Variants in ABCC5 observed in about 807,000 individuals in gnomAD.
ABCC5 encodes the protein ATP binding cassette subfamily C member 5.
In ABCC5, 61 loss-of-function variants were observed where a neutral mutation model predicts 160.9. The ratio of observed to expected loss-of-function variants is 0.38; its 90% CI spans 0.31 to 0.47. The LOEUF (loss-of-function observed/expected upper bound fraction) is 0.47. Among genes scored for constraint, ABCC5 ranks in the 20% least tolerant of loss-of-function variants. ABCC5 has a pLI of 0.99. For missense variants in ABCC5, 1,308 were observed against 1,813.3 expected, an observed-to-expected ratio of 0.72 and a Z score of 5.06; for synonymous variants, 666 against 700.6, an observed-to-expected ratio of 0.95 and a Z score of 0.78.
chr3:183,938,161 A>G, intron 25 of ABCC5, 101 bp from the exon 26 acceptor site: 1 of 1,207,196 alleles, frequency 8.3e-7, no homozygotes, highest in Non-Finnish European at 1.2e-6. Context: ...TTCCATTTCT[A>G]TTCAGTTGTT....
intron 2 of ABCC5, among the ~76,000 whole-genome samples, chr3:184,009,392 C>T (rs1201386664): frequency 1.3e-5 from 2 of 152,150 alleles, no homozygotes. Context: ...GATGATGTGA[C>T]ATGAAATTGC....
Position 183,943,287 on chromosome 3 carries a change from T to C in ABCC5, c.3505-371A>G, listed in dbSNP as rs188591107. ...CAGTTTTTACTGAAATTCTTTGAGA[T>C]AGGATTCTACCATTTGATAATCATT... is the stretch of plus-strand genomic sequence containing the variant. On this transcript the variant is annotated intron_variant, in intron 24 of 29. Coordinates refer to ENST00000334444, the MANE Select transcript of ABCC5 (RefSeq NM_005688.4). Among the ~76,000 whole-genome samples the C allele has an allele frequency of 1.7e-3, 255 of 152,328 alleles. 2 individuals carry two copies. The highest frequency in any genetic ancestry group is 5.5e-3 in the African/African-American group (227 of 41,572).
chr3:183,984,532 A>AAATTAATAC (rs1353207430), intron 5 of ABCC5: 1 of 1,142,652 alleles, frequency 8.8e-7, no homozygotes, highest in African/African-American at 1.6e-5. Flanking sequence ...TCCTGAGATT[A>AAATTAATAC]AATTAATACC....
At chr3:183,952,597 C>T (rs1314619331) in intron 18 of ABCC5, among the ~76,000 whole-genome samples, 1 of 152,178 alleles carries the variant, frequency 6.6e-6, no homozygotes, top group Non-Finnish European at 1.5e-5. Flanking sequence ...CTTGTCGTGA[C>T]AGTGAGTTCT....
At chr3:183,926,170 C>T (rs1265783111) in intron 28 of ABCC5, among the ~76,000 whole-genome samples, 11 of 143,748 alleles carry the variant, frequency 7.7e-5, no homozygotes, top group African/African-American at 2.8e-4. Context: ...TAAGAAAGCA[C>T]GCATATATGT....
At position 183,928,796 on chromosome 3, in the gene ABCC5, G is replaced by A. The variant is rs373365587; in HGVS notation, c.3884C>T (p.Thr1295Ile). ...CAGGGCATCCCAAATCTGGTCTTCA[G>A]TGTACTGGTTGAAGGGGTCCAAATT... The part of the protein sequence containing the change: ...RSNLDPFNQY[T>I]EDQIWDALER... The change falls in exon 27 of 30, where the codon ACT becomes ATT. Residue 1295 changes from threonine to isoleucine, a missense_variant. By Grantham distance (89) the Thr-to-Ile change is moderately conservative. Around this residue, in one of 3 missense-constraint regions of ABCC5, gnomAD observed 163 missense variants for 269.7 expected, o/e 0.60. Transcript: ENST00000334444. 1.5e-5 allele frequency: 25 copies of A among 1,613,986 alleles called. No individual in the cohort carries two copies. The African/African-American group carries it at 3.2e-4, about 21-fold the overall frequency.
chr3:183,961,621 TCATGAAGATCAC>T lies in ABCC5; in HGVS notation c.2257_2268del (p.Val753_Met756del), dbSNP rs1316479488. 6.2e-7 allele frequency: 1 copy of T among 1,614,238 alleles called. No homozygotes were observed. The highest frequency in any genetic ancestry group is 8.5e-7 in the Non-Finnish European group (1 of 1,180,042). ...CCTCTTTCCGTAATACAGCCCTCTT[TCATGAAGATCAC>T]TTCATCACAGTCAACCAGGTACTGA... On this transcript the variant is annotated inframe_deletion, in exon 16 of 30. Transcript: ENST00000334444.
intron 2 of ABCC5, among the ~76,000 whole-genome samples, chr3:184,006,741 C>T (rs1469815434): frequency 1.3e-5 from 2 of 152,070 alleles, no homozygotes; most frequent in Non-Finnish European, 2.9e-5. Flanking sequence ...ATCTTTGATC[C>T]CTAAGATACA....
intron 5 of ABCC5, chr3:183,985,758 A>AC (rs1322314597): frequency 1.0e-5 from 3 of 292,776 alleles, no homozygotes; most frequent in African/African-American, 4.3e-5. Context: ...CATTACTATG[A>AC]CCCCCGGGCA....
At chr3:184,013,517 G>T (rs1721928396) in intron 2 of ABCC5, among the ~76,000 whole-genome samples, 1 of 152,134 alleles carries the variant, frequency 6.6e-6, no homozygotes, top group Non-Finnish European at 1.5e-5. Flanking sequence ...ACCTCCCAAA[G>T]TGCTGGGATT....
At chr3:183,931,324 CTTTT>C (rs61449343) in intron 26 of ABCC5, among the ~76,000 whole-genome samples, 1 of 131,520 alleles carries the variant, frequency 7.6e-6, no homozygotes. Flanking sequence ...ACAGGCTTAA[CTTTT>C]TTTTTTTTTT....
chr3:183,948,979 C>T (rs970776128), intron 22 of ABCC5, among the ~76,000 whole-genome samples: 3 of 152,208 alleles, frequency 2.0e-5, no homozygotes, highest in African/African-American at 4.8e-5. Context: ...GCTGGCATTA[C>T]AGGCGGGAGC....
intron 17 of ABCC5, among the ~76,000 whole-genome samples, chr3:183,954,412 G>A (rs1715676391): frequency 6.6e-6 from 1 of 152,200 alleles, no homozygotes; most frequent in South Asian, 2.1e-4. Flanking sequence ...GCCTCCCAAA[G>A]TGCTGGGATT....
chr3:183,953,784 G>A (rs770576115), intron 17 of ABCC5, among the ~76,000 whole-genome samples: 2 of 152,112 alleles, frequency 1.3e-5, no homozygotes, highest in East Asian at 1.9e-4. Context: ...GCACAGGCAC[G>A]GGGTAGCAAA....
intron 18 of ABCC5, among the ~76,000 whole-genome samples, chr3:183,952,519 T>C (rs1360976986): frequency 6.6e-6 from 1 of 152,172 alleles, no homozygotes. Context: ...GAATTGTAAT[T>C]CCCAGGTGTT....
chr3:184,004,540 AT>A (rs758444971), intron 2 of ABCC5, among the ~76,000 whole-genome samples: 9 of 150,872 alleles, frequency 6.0e-5, no homozygotes, highest in Non-Finnish European at 1.3e-4. Context: ...CCAAAATATA[AT>A]TTGTAAATGA....
At chr3:183,953,045 A>G (rs1715532391) in intron 18 of ABCC5, 41 bp downstream of exon 18, 2 of 1,564,478 alleles carry the variant, frequency 1.3e-6, no homozygotes, top group Non-Finnish European at 1.7e-6. Flanking sequence ...AAACGGCCAC[A>G]TTCTTAGACA....
intron 24 of ABCC5, among the ~76,000 whole-genome samples, chr3:183,943,381 T>C (rs1251465040): frequency 6.6e-6 from 1 of 152,250 alleles, no homozygotes; most frequent in African/African-American, 2.4e-5. Flanking sequence ...TTCTGGCATG[T>C]CTTGGTCAAT....
At chr3:183,925,107 G>A (rs1201759350) in intron 29 of ABCC5, among the ~76,000 whole-genome samples, 6 of 152,244 alleles carry the variant, frequency 3.9e-5, no homozygotes, top group Non-Finnish European at 8.8e-5. Flanking sequence ...TTGCAAAAAA[G>A]CAAACATGTG....
Sources: gnomAD v4.1 joint callset for allele counts (sites outside exome capture counted in the v4.1 genomes callset) on GRCh38, gnomAD v4.1.1 for gene constraint, gnomAD v4.1.1 regional missense constraint, MANE v1.5 for transcripts, NCBI Gene and HGNC (gene_info 2026-07-23, HGNC 2026-07-21) for gene names.